PTPRT: variants seen among roughly 807,000 people sequenced by gnomAD.
PTPRT encodes the protein protein tyrosine phosphatase receptor type T.
Under a neutral mutation model 176.8 loss-of-function variants are expected in PTPRT, and 56 were observed. The ratio of observed to expected loss-of-function variants is 0.32; its 90% CI spans 0.26 to 0.40. The LOEUF is 0.40. Among genes scored for constraint, PTPRT ranks in the 10% least tolerant of loss-of-function variants. The probability of loss-of-function intolerance (pLI) is 1.00; values close to 1 mark genes in which losing one functional copy is unlikely to be tolerated. For missense variants in PTPRT, 1,540 were observed against 1,908.2 expected (o/e 0.81, Z 3.60); for synonymous variants, 783 against 739.0 (o/e 1.06, Z -0.96).
chr20:42,610,756 A>C (rs1267584669), intron 7 of PTPRT, among the ~76,000 whole-genome samples: 1 of 152,238 alleles, frequency 6.6e-6, no homozygotes, highest in Non-Finnish European at 1.5e-5. Context: ...GCAGTGAATT[A>C]TCGTATATTC....
chr20:42,106,683 T>G (rs1986473887), intron 24 of PTPRT, 103 bp downstream of exon 24: 1 of 1,455,380 alleles, frequency 6.9e-7, no homozygotes, highest in African/African-American at 1.4e-5. Flanking sequence ...ACCCAGGTCC[T>G]TTCCATAGGA....
intron 18 of PTPRT, among the ~76,000 whole-genome samples, chr20:42,132,463 C>G (rs963128891): frequency 6.6e-6 from 1 of 152,130 alleles, no homozygotes; most frequent in Non-Finnish European, 1.5e-5. Context: ...ACAACAAACT[C>G]TTAAAACTCA....
At chr20:42,891,611 T>A (rs1039187543) in intron 1 of PTPRT, among the ~76,000 whole-genome samples, 9 of 152,214 alleles carry the variant, frequency 5.9e-5, no homozygotes, top group African/African-American at 2.2e-4. Flanking sequence ...AGAATTTTTT[T>A]AAAAAACATG....
At chr20:42,622,581 T>C (rs1167958772) in intron 7 of PTPRT, among the ~76,000 whole-genome samples, 2 of 151,932 alleles carry the variant, frequency 1.3e-5, no homozygotes, top group Middle Eastern at 3.2e-3. Flanking sequence ...AAATTATACT[T>C]CCCACAATCC....
At chr20:42,046,561 C>T in the PTPRT span, among the ~76,000 whole-genome samples, 18 of 152,202 alleles carry the variant, frequency 1.2e-4, no homozygotes, top group African/African-American at 1.7e-4. Flanking sequence ...CAGCCACAGA[C>T]GTGAGACCAT....
intron 9 of PTPRT, among the ~76,000 whole-genome samples, chr20:42,408,219 C>T (rs764421963): frequency 2.0e-5 from 3 of 151,942 alleles, no homozygotes; most frequent in African/African-American, 4.8e-5. Flanking sequence ...GTAGGAGGAA[C>T]CACGATGTTT....
At chr20:42,113,573 C>T (rs1163052119) in intron 22 of PTPRT, among the ~76,000 whole-genome samples, 1 of 152,240 alleles carries the variant, frequency 6.6e-6, no homozygotes, top group Admixed American at 6.5e-5. Context: ...GTCTGGCTTC[C>T]ACGCCTTAAG....
chr20:42,677,514 G>A (rs1317180231), intron 7 of PTPRT, among the ~76,000 whole-genome samples: 1 of 152,006 alleles, frequency 6.6e-6, no homozygotes, highest in East Asian at 1.9e-4. Context: ...GCATTAGAAA[G>A]CCTCAGACAT....
rs367635321 is a variant in PTPRT, at chr20:43,176,776, T to G, written c.88+12870A>C. Among the ~76,000 whole-genome samples, 19 of 152,326 alleles carry G rather than the reference T, an allele frequency of 1.2e-4. No individual in the cohort carries two copies. In the East Asian group the frequency reaches 3.1e-3, roughly 25 times the overall value. The stretch of plus-strand genomic sequence containing the variant: ...TTCATGTACCAGAAAATCCTGATAT[T>G]TGTAAATAGTCCTTAAATAGATGCC... On this transcript the variant is annotated intron_variant, in intron 1 of 30. Transcript: ENST00000373187.
chr20:42,789,865 G>A (rs184479971), intron 3 of PTPRT, among the ~76,000 whole-genome samples: 5 of 152,268 alleles, frequency 3.3e-5, no homozygotes, highest in Non-Finnish European at 7.3e-5. Flanking sequence ...AACCCAACAA[G>A]CAATCTCAAT....
intron 7 of PTPRT, among the ~76,000 whole-genome samples, chr20:42,591,280 T>C (rs889542221): frequency 6.6e-6 from 1 of 151,978 alleles, no homozygotes; most frequent in Non-Finnish European, 1.5e-5. Flanking sequence ...AAGAGAAGCC[T>C]TAAGCTAAGT....
rs552839399 is a variant in PTPRT, at chr20:42,599,207, G to C, written c.1153+78659C>G. Among the ~76,000 whole-genome samples the C allele has an allele frequency of 1.6e-4, 24 of 152,268 alleles. No individual in the cohort carries two copies. The East Asian group carries it at 4.5e-3, about 28-fold the overall frequency. On this transcript the variant is annotated intron_variant, in intron 7 of 30. Coordinates refer to ENST00000373187, the MANE Select transcript of PTPRT (RefSeq NM_007050.6). ...AGGGTAATGCCCATACTCTGGCTTG[G>C]ACAACTGGGTGGTGACATTTGCCTG...
At chr20:42,111,320 G>GA (rs1986981829) in intron 22 of PTPRT, among the ~76,000 whole-genome samples, 1 of 152,128 alleles carries the variant, frequency 6.6e-6, no homozygotes, top group Non-Finnish European at 1.5e-5. Flanking sequence ...TTCCTTCATT[G>GA]AAAAATCATT....
chr20:42,212,302 A>T (rs753966250), intron 15 of PTPRT, among the ~76,000 whole-genome samples: 1 of 76,178 alleles, frequency 1.3e-5, no homozygotes, highest in African/African-American at 7.8e-5. Flanking sequence ...CTTAAAGTAT[A>T]AAAAAAAAAA....
At chr20:42,471,047 G>GATT (rs774543545) in intron 8 of PTPRT, among the ~76,000 whole-genome samples, 1 of 152,108 alleles carries the variant, frequency 6.6e-6, no homozygotes, top group Non-Finnish European at 1.5e-5. Context: ...TAGAATTGGA[G>GATT]ATTAGTTCAA....
intron 21 of PTPRT, chr20:42,115,985 A>G (rs1224882505): frequency 5.6e-6 from 4 of 715,288 alleles, no homozygotes; most frequent in Non-Finnish European, 1.0e-5. Context: ...AGTCGCACTC[A>G]TGGATGAAAA....
the PTPRT span, among the ~76,000 whole-genome samples, chr20:42,036,633 C>T: frequency 6.6e-6 from 1 of 152,080 alleles, no homozygotes; most frequent in Non-Finnish European, 1.5e-5. Context: ...CTTAAAAGTC[C>T]AGCATTAGAG....
Position 42,691,637 on chromosome 20 carries a change from A to AC in PTPRT, c.860-13479_860-13478insG, listed in dbSNP as rs1466654678. ...ACGAGCTTCTTCCAAATCCTCCCTC[A>AC]TTCCCCTAGGGCTGCCTCTGCCCCT... On this transcript the variant is annotated intron_variant, in intron 6 of 30. Coordinates refer to ENST00000373187, the MANE Select transcript of PTPRT (RefSeq NM_007050.6). 2.0e-5 allele frequency among the ~76,000 whole-genome samples: 3 copies of AC among 152,116 alleles called. No individual in the cohort carries two copies. In the East Asian group the frequency reaches 5.8e-4, roughly 29 times the overall value.
chr20:42,953,901 T>C (rs1981436888), intron 1 of PTPRT, among the ~76,000 whole-genome samples: 1 of 152,150 alleles, frequency 6.6e-6, no homozygotes, highest in East Asian at 1.9e-4. Flanking sequence ...CCCCTTTCAG[T>C]CGTGACAAGC....
Sources: gnomAD v4.1 joint callset for allele counts (sites outside exome capture counted in the v4.1 genomes callset) on GRCh38, gnomAD v4.1.1 for gene constraint, MANE v1.5 for transcripts, NCBI Gene and HGNC (gene_info 2026-07-23, HGNC 2026-07-21) for gene names.